Variants in ROBO1 observed in about 807,000 individuals in gnomAD.
The protein encoded by ROBO1 is roundabout guidance receptor 1.
ROBO1 carries 149 observed loss-of-function variants against 195.9 expected under a neutral mutation model. That is an observed-to-expected ratio of 0.76 (90% confidence interval 0.67 to 0.87). ROBO1 has a LOEUF of 0.87. ROBO1 is among the 40% of genes least tolerant of loss of function. The pLI, the probability that ROBO1 is intolerant of heterozygous loss-of-function variation, is 0.00. For missense variants in ROBO1, 1,933 were observed against 2,068.3 expected, an observed-to-expected ratio of 0.93 and a Z score of 1.27; for synonymous variants, 816 against 733.2, an observed-to-expected ratio of 1.11 and a Z score of -1.82.
In ROBO1 at chr3:78,639,709, G is replaced by C. The variant is rs769943360; in HGVS notation, c.3037+35C>G. ...GATCTTCTGGCTAGTTCCTTAAAAA[G>C]CTTATACATATCAGGCTCTCTCTGT... On this transcript the variant is annotated intron_variant, in intron 22 of 30. Coordinates refer to ENST00000464233, the MANE Select transcript of ROBO1 (RefSeq NM_002941.4). The C allele has an allele frequency of 5.0e-6, 8 of 1,586,588 alleles. No individual in the cohort carries two copies. In the African/African-American group the frequency reaches 1.1e-4, roughly 21 times the overall value.
intron 2 of ROBO1, among the ~76,000 whole-genome samples, chr3:79,245,750 C>G (rs2082613915): frequency 6.6e-6 from 1 of 151,846 alleles, no homozygotes. Flanking sequence ...GGGGGAAATG[C>G]TTTATCATGC....
At chr3:78,618,125 T>C in intron 26 of ROBO1, 84 bp from the exon 27 acceptor site, 1 of 1,404,700 alleles carries the variant, frequency 7.1e-7, no homozygotes, top group South Asian at 1.5e-5. Context: ...TTCACAAGCA[T>C]GCAGATTTGA....
intron 4 of ROBO1, among the ~76,000 whole-genome samples, chr3:78,790,857 T>C (rs965344187): frequency 6.6e-6 from 1 of 152,156 alleles, no homozygotes; most frequent in Non-Finnish European, 1.5e-5. Flanking sequence ...CTAGGTCACA[T>C]ATGTAGACCT....
chr3:78,946,530 T>C (rs1241337917), intron 3 of ROBO1, among the ~76,000 whole-genome samples: 5 of 152,112 alleles, frequency 3.3e-5, no homozygotes, highest in Non-Finnish European at 5.9e-5. Flanking sequence ...AAGCACTAAA[T>C]GTGGAAAGGA....
intron 2 of ROBO1, among the ~76,000 whole-genome samples, chr3:79,273,815 G>GA (rs1182367563): frequency 6.6e-6 from 1 of 151,574 alleles, no homozygotes; most frequent in Non-Finnish European, 1.5e-5. Flanking sequence ...GTATGGAAAT[G>GA]AAAAATGAGC....
chr3:79,429,096 T>G (rs2107008564), intron 2 of ROBO1, among the ~76,000 whole-genome samples: 1 of 152,260 alleles, frequency 6.6e-6, no homozygotes, highest in East Asian at 1.9e-4. Flanking sequence ...AAGAGTAACT[T>G]TTACTGTATG....
intron 1 of ROBO1, among the ~76,000 whole-genome samples, chr3:79,689,212 TA>T (rs1947228789): frequency 6.6e-6 from 1 of 151,980 alleles, no homozygotes; most frequent in African/African-American, 2.4e-5. Flanking sequence ...TACATGTAAT[TA>T]ACTACTCACT....
intron 2 of ROBO1, among the ~76,000 whole-genome samples, chr3:79,549,328 T>A (rs1942389226): frequency 6.6e-6 from 1 of 152,166 alleles, no homozygotes; most frequent in Non-Finnish European, 1.5e-5. Flanking sequence ...TATGTACATA[T>A]ATATGATACA....
At chr3:79,264,694 A>C (rs2083003703) in intron 2 of ROBO1, among the ~76,000 whole-genome samples, 1 of 151,928 alleles carries the variant, frequency 6.6e-6, no homozygotes, top group South Asian at 2.1e-4. Flanking sequence ...ATAGTTATAG[A>C]CCCGTAAATT....
rs535895627 is a variant in ROBO1 at position 78,690,289 on chromosome 3, TA to T, written c.1046-1518del. On this transcript the variant is annotated intron_variant, in intron 8 of 30. Transcript: ENST00000464233. ...TTCCTTTTTCTATACTCTTTTTTTTTAAAAATTGAGGTTTAGTAGAAATTAT... is the reference window on the plus strand; with the variant it reads ...TTCCTTTTTCTATACTCTTTTTTTTTAAAATTGAGGTTTAGTAGAAATTAT... Among the ~76,000 whole-genome samples, 107 of 145,764 alleles carry T rather than the reference TA, an allele frequency of 7.3e-4. No individual in the cohort carries two copies. In the South Asian group the frequency reaches 8.2e-3, roughly 11 times the overall value.
rs187211732 is a variant in ROBO1 at position 79,580,638 on chromosome 3, A to G, written c.88+9186T>C. 4.6e-5 allele frequency among the ~76,000 whole-genome samples: 7 copies of G among 152,248 alleles called. No individual in the cohort carries two copies. In the East Asian group the frequency reaches 1.2e-3, roughly 25 times the overall value. On this transcript the variant is annotated intron_variant, in intron 2 of 30. Transcript: ENST00000464233. Reference sequence around the variant, plus strand: ...TATAAGGAATTTAAAATGAAAACATACTGTTTTATATATAAATGAATTTAA... The same window carrying G: ...TATAAGGAATTTAAAATGAAAACATGCTGTTTTATATATAAATGAATTTAA...
chr3:79,201,763 T>C lies in ROBO1; in HGVS notation c.89-76224A>G, dbSNP rs552553433. Among the ~76,000 whole-genome samples the C allele has an allele frequency of 1.1e-4, 17 of 152,002 alleles. No homozygotes were observed. The East Asian group carries it at 2.1e-3, about 19-fold the overall frequency. ...GGGCTATTGTGAGGAGAATTGGAGATAGTTTTTTAAGTACAAACTACAGCA... is the reference window on the plus strand; with the variant it reads ...GGGCTATTGTGAGGAGAATTGGAGACAGTTTTTTAAGTACAAACTACAGCA... On this transcript the variant is annotated intron_variant, in intron 2 of 30. Coordinates refer to ENST00000464233, the MANE Select transcript of ROBO1 (RefSeq NM_002941.4).
At chr3:79,134,738 G>C (rs2080365789) in intron 2 of ROBO1, among the ~76,000 whole-genome samples, 1 of 71,950 alleles carries the variant, frequency 1.4e-5, no homozygotes, top group African/African-American at 5.6e-5. Context: ...GTCCTTTGTA[G>C]GGACATGGAT....
At chr3:79,038,803 C>T (rs1184585039) in intron 3 of ROBO1, among the ~76,000 whole-genome samples, 1 of 151,968 alleles carries the variant, frequency 6.6e-6, no homozygotes, top group Non-Finnish European at 1.5e-5. Flanking sequence ...GGCCATGAGT[C>T]AAATTCTACA....
chr3:79,386,803 A>G (rs1486160789), intron 2 of ROBO1, among the ~76,000 whole-genome samples: 2 of 152,140 alleles, frequency 1.3e-5, no homozygotes, highest in South Asian at 2.1e-4. Context: ...TTTATTCCTC[A>G]GTGCAGTGGA....
chr3:79,632,708 A>G (rs1256083346), intron 1 of ROBO1, among the ~76,000 whole-genome samples: 2 of 152,226 alleles, frequency 1.3e-5, no homozygotes, highest in Admixed American at 1.3e-4. Flanking sequence ...TAGAGAATAT[A>G]TTTGTGACCA....
At chr3:78,859,157 G>A (rs1388917898) in intron 4 of ROBO1, among the ~76,000 whole-genome samples, 2 of 152,202 alleles carry the variant, frequency 1.3e-5, no homozygotes, top group African/African-American at 2.4e-5. Context: ...AGTAGTGGAG[G>A]TGGAGAGAAA....
chr3:78,677,975 T>G lies in ROBO1; in HGVS notation c.1343-7674A>C, dbSNP rs1415661182. The stretch of plus-strand genomic sequence containing the variant: ...AGAACAGAAATTATAACAAACTGTC[T>G]CTCAGACCACAGTGCAATCAAACTA... On this transcript the variant is annotated intron_variant, in intron 10 of 30. Transcript: ENST00000464233. Among the ~76,000 whole-genome samples the G allele has an allele frequency of 9.9e-5, 15 of 151,824 alleles. No individual in the cohort carries two copies. The East Asian group carries it at 2.9e-3, about 30-fold the overall frequency.
At chr3:79,560,558 T>TATATATATATATATATACAC (rs5850439) in intron 2 of ROBO1, among the ~76,000 whole-genome samples, 6 of 129,702 alleles carry the variant, frequency 4.6e-5, no homozygotes, top group Non-Finnish European at 6.4e-5. Flanking sequence ...TATATATATA[T>TATATATATATATATATACAC]ACACATACAC....
Sources: gnomAD v4.1 joint callset for allele counts (sites outside exome capture counted in the v4.1 genomes callset) on GRCh38, gnomAD v4.1.1 for gene constraint, MANE v1.5 for transcripts, NCBI Gene and HGNC (gene_info 2026-07-23, HGNC 2026-07-21) for gene names.